PLPPR4: variants seen among roughly 807,000 people sequenced by gnomAD.
The protein encoded by PLPPR4 is phospholipid phosphatase related 4.
In PLPPR4, 24 loss-of-function variants were observed where a neutral mutation model predicts 56.6. That is an observed-to-expected ratio of 0.42 (90% CI 0.31 to 0.60). The LOEUF is 0.60. Among genes scored for constraint, PLPPR4 ranks in the 20% least tolerant of loss-of-function variants. PLPPR4 has a pLI of 0.13. For missense variants in PLPPR4, 654 were observed against 885.8 expected (o/e 0.74, Z 3.32); for synonymous variants, 326 against 328.1 (o/e 0.99, Z 0.07).
In PLPPR4 at chr1:99,306,385, A is replaced by G. The variant is rs761788241; in HGVS notation, c.1523A>G (p.Lys508Arg). 5.0e-6 allele frequency: 8 copies of G among 1,614,090 alleles called. No homozygotes were observed. In the Admixed American group the frequency reaches 5.0e-5, roughly 10 times the overall value. Reference sequence around the variant, plus strand: ...CCCAAAAGCAGCTCTGCTCGGGCCAAGTGGTTAAAAGCTGCTGAAAAGACT... The same window carrying G: ...CCCAAAAGCAGCTCTGCTCGGGCCAGGTGGTTAAAAGCTGCTGAAAAGACT... ...TSPKSSSARA[K>R]WLKAAEKTVA... The change falls in exon 7 of 7, where the codon AAG becomes AGG. Residue 508 changes from lysine to arginine, a missense_variant. Lys to Arg is a conservative substitution (Grantham distance 26). Transcript: ENST00000370185. The surrounding 1 kb of genome is among the most constrained non-coding windows in gnomAD (Gnocchi z 4.0).
At chr1:99,289,582 G>A (rs954074480) in intron 2 of PLPPR4, among the ~76,000 whole-genome samples, 1 of 152,010 alleles carries the variant, frequency 6.6e-6, no homozygotes, top group Non-Finnish European at 1.5e-5. Context: ...TTCTTGGAGT[G>A]CGATATTGCT....
At chr1:99,302,536 T>A (rs150185191) in intron 6 of PLPPR4, among the ~76,000 whole-genome samples, 5,429 of 151,374 alleles carry the variant, frequency 0.036, 291 homozygotes, top group African/African-American at 0.12. Context: ...TATTATACTT[T>A]AAGTTTTAGG....
chr1:99,272,476 A>T (rs1659083070), intron 1 of PLPPR4, among the ~76,000 whole-genome samples: 1 of 152,174 alleles, frequency 6.6e-6, no homozygotes, highest in African/African-American at 2.4e-5. Context: ...GGTCATTCTA[A>T]TTCTACATGT....
intron 1 of PLPPR4, among the ~76,000 whole-genome samples, chr1:99,270,726 G>A (rs746658136): frequency 9.9e-5 from 15 of 152,284 alleles, no homozygotes; most frequent in Non-Finnish European, 2.2e-4. Context: ...GCATCAGTAG[G>A]AAATACAAAA....
intron 2 of PLPPR4, among the ~76,000 whole-genome samples, chr1:99,294,469 G>T (rs1659693616): frequency 6.6e-6 from 1 of 152,202 alleles, no homozygotes; most frequent in South Asian, 2.1e-4. Flanking sequence ...GCAGAGGCAG[G>T]TGGATCACTT....
chr1:99,267,312 G>A (rs1658924452), intron 1 of PLPPR4, among the ~76,000 whole-genome samples: 1 of 152,186 alleles, frequency 6.6e-6, no homozygotes, highest in Admixed American at 6.5e-5. Flanking sequence ...TCGAGCCAGA[G>A]GGGGCTGAAA....
At chr1:99,305,403 G>C (rs1659997462) in intron 6 of PLPPR4, among the ~76,000 whole-genome samples, 1 of 152,056 alleles carries the variant, frequency 6.6e-6, no homozygotes, top group African/African-American at 2.4e-5. Context: ...TCTCTTGTCT[G>C]CTTTTTCTTC....
At chr1:99,266,194 G>A (rs1200953741) in intron 1 of PLPPR4, among the ~76,000 whole-genome samples, 2 of 152,188 alleles carry the variant, frequency 1.3e-5, no homozygotes, top group Non-Finnish European at 2.9e-5. Flanking sequence ...ACCACTTGTC[G>A]CATGGCTAAT....
At chr1:99,270,365 A>C (rs888477577) in intron 1 of PLPPR4, among the ~76,000 whole-genome samples, 1 of 152,210 alleles carries the variant, frequency 6.6e-6, no homozygotes, top group Non-Finnish European at 1.5e-5. Flanking sequence ...TGTACTTAGC[A>C]GTAGATACGT....
chr1:99,278,308 T>C (rs1659243059), intron 1 of PLPPR4, among the ~76,000 whole-genome samples: 1 of 152,148 alleles, frequency 6.6e-6, no homozygotes, highest in Admixed American at 6.5e-5. Flanking sequence ...TAATCTCATG[T>C]AATCTCAGTT....
At position 99,306,608 on chromosome 1, in the gene PLPPR4, C is replaced by T; in HGVS notation, c.1746C>T (p.Asn582=). The change falls in exon 7 of 7, where the codon AAC becomes AAT. Residue 582 remains asparagine, a synonymous_variant. Coordinates refer to ENST00000370185, the MANE Select transcript of PLPPR4 (RefSeq NM_014839.5). The surrounding 1 kb of genome is among the most constrained non-coding windows in gnomAD (Gnocchi z 4.0). Reference sequence around the variant, plus strand: ...GGGTTGAGGCTCACCCAGAGAACAACAGGCCCATCATACAGATCCCGTCCA... The same window carrying T: ...GGGTTGAGGCTCACCCAGAGAACAATAGGCCCATCATACAGATCCCGTCCA... The part of the protein sequence containing the change: ...IVRVEAHPEN[N]RPIIQIPSTE... The T allele has an allele frequency of 6.2e-7, 1 of 1,614,128 alleles. No homozygotes were observed. The highest frequency in any genetic ancestry group is 8.5e-7 in the Non-Finnish European group (1 of 1,180,016).
chr1:99,300,944 C>A lies in PLPPR4; in HGVS notation c.626C>A (p.Ala209Asp). The A allele has an allele frequency of 1.2e-6, 2 of 1,612,272 alleles. No individual in the cohort carries two copies. Among genetic ancestry groups the A allele is most frequent in the Non-Finnish European group, 1.7e-6 (2 of 1,178,610 alleles). ...CCTTCTCAACATGCAACCCTTGCTGCCTTTGCAGCTGTGTATGTTTCGGTA... is the reference window on the plus strand; with the variant it reads ...CCTTCTCAACATGCAACCCTTGCTGACTTTGCAGCTGTGTATGTTTCGGTA... ...SFPSQHATLA[A>D]FAAVYVSMYF... Residue 209 changes from alanine (A) to aspartate (D), a missense_variant, in exon 5 of 7, where the codon GCC becomes GAC. Ala to Asp is a moderately radical substitution (Grantham distance 126). Around this residue, in one of 2 missense-constraint regions of PLPPR4, gnomAD observed 186 missense variants for 331.4 expected, o/e 0.56. Transcript: ENST00000370185.
At chr1:99,302,778 C>G (rs1487581356) in intron 6 of PLPPR4, among the ~76,000 whole-genome samples, 1 of 148,436 alleles carries the variant, frequency 6.7e-6, no homozygotes, top group Non-Finnish European at 1.5e-5. Flanking sequence ...GGTTTTTTAT[C>G]TTTGTGATAG....
chr1:99,296,999 T>G, intron 3 of PLPPR4, 132 bp downstream of exon 3: 1 of 969,006 alleles, frequency 1.0e-6, no homozygotes, highest in Non-Finnish European at 1.3e-6. Flanking sequence ...AGTTTTATAT[T>G]GTACAAGAAA....
At chr1:99,287,495 T>A (rs1175873696) in intron 1 of PLPPR4, among the ~76,000 whole-genome samples, 1 of 152,194 alleles carries the variant, frequency 6.6e-6, no homozygotes, top group Non-Finnish European at 1.5e-5. Flanking sequence ...TAAACTAATT[T>A]ACATTCCCAC....
At chr1:99,279,111 T>C (rs759534514) in intron 1 of PLPPR4, among the ~76,000 whole-genome samples, 35 of 152,226 alleles carry the variant, frequency 2.3e-4, no homozygotes, top group Non-Finnish European at 4.3e-4. Flanking sequence ...ATTAGTTTAC[T>C]GTATATTGGG....
intron 1 of PLPPR4, among the ~76,000 whole-genome samples, chr1:99,271,899 A>C (rs1659066577): frequency 8.5e-6 from 1 of 117,954 alleles, no homozygotes; most frequent in African/African-American, 3.2e-5. Flanking sequence ...GTAGGAGTGA[A>C]GTGTGTGTGT....
chr1:99,291,992 A>T (rs1659634035), intron 2 of PLPPR4, among the ~76,000 whole-genome samples: 1 of 152,068 alleles, frequency 6.6e-6, no homozygotes, highest in African/African-American at 2.4e-5. Context: ...TAAATGTATC[A>T]TACTGTCACA....
Position 99,299,092 on chromosome 1 carries a change from C to T in PLPPR4, c.452C>T (p.Ser151Phe). The change falls in exon 4 of 7, where the codon TCC (serine) becomes TTC (phenylalanine). Residue 151 changes from serine (S) to phenylalanine (F), a missense_variant. Ser to Phe is a radical substitution (Grantham distance 155). Around this residue, in one of 2 missense-constraint regions of PLPPR4, gnomAD observed 186 missense variants for 331.4 expected, o/e 0.56. Coordinates refer to ENST00000370185, the MANE Select transcript of PLPPR4 (RefSeq NM_014839.5). ...TALITDIIQL[S>F]TGYQAPYFLT... ...CTCATTACAGATATCATACAGCTGT[C>T]CACAGGATATCAAGCACCTTACTTT... 6.2e-7 allele frequency: 1 copy of T among 1,613,540 alleles called. No individual in the cohort carries two copies.
Sources: gnomAD v4.1 joint callset for allele counts (sites outside exome capture counted in the v4.1 genomes callset) on GRCh38, gnomAD v4.1.1 for gene constraint, gnomAD v4.1.1 regional missense constraint, Gnocchi (gnomAD v3.1) non-coding constraint, MANE v1.5 for transcripts, NCBI Gene and HGNC (gene_info 2026-07-23, HGNC 2026-07-21) for gene names.